HTR1F: variants seen among roughly 807,000 people sequenced by gnomAD.
HTR1F encodes the protein 5-hydroxytryptamine (serotonin) receptor 1F, G protein-coupled.
In HTR1F, 17 loss-of-function variants were observed where a neutral mutation model predicts 24.0. The ratio of observed to expected loss-of-function variants is 0.71; its 90% CI spans 0.48 to 1.06. HTR1F has a LOEUF of 1.06. HTR1F is among the 50% of genes least tolerant of loss of function. HTR1F has a pLI of 0.00. For synonymous variants in HTR1F, 186 were observed against 156.8 expected (o/e 1.19, Z -1.39); for missense variants, 391 against 427.8 (o/e 0.91, Z 0.76).
At position 87,832,993 on chromosome 3, in the gene HTR1F, AAAGGTTCTTT is replaced by A. The variant is rs146935633; in HGVS notation, c.-43+10875_-43+10884del. Among the ~76,000 whole-genome samples, 1,457 of 152,278 alleles carry A rather than the reference AAAGGTTCTTT, an allele frequency of 9.6e-3. 21 individuals carry two copies. Among genetic ancestry groups the A allele is most frequent in the African/African-American group, 0.032 (1,344 of 41,554 alleles). ...TCTGGAAATCACCTTTTCCTTACTCAAAGGTTCTTTAAGGTCTGAGGGTCTTAACAACACC... is the reference window on the plus strand; with the variant it reads ...TCTGGAAATCACCTTTTCCTTACTCAAAGGTCTGAGGGTCTTAACAACACC... On this transcript the variant is annotated intron_variant, in intron 2 of 2. Coordinates refer to ENST00000319595, the MANE Select transcript of HTR1F (RefSeq NM_001322209.2).
intron 2 of HTR1F, among the ~76,000 whole-genome samples, chr3:87,895,860 T>C (rs569311710): frequency 6.6e-6 from 1 of 152,238 alleles, no homozygotes; most frequent in Non-Finnish European, 1.5e-5. Flanking sequence ...AGATAAGAGT[T>C]AATAGCTCTG....
intron 2 of HTR1F, among the ~76,000 whole-genome samples, chr3:87,928,438 T>G (rs558565068): frequency 2.6e-5 from 4 of 152,350 alleles, no homozygotes; most frequent in African/African-American, 7.2e-5. Context: ...AGTAATAGTA[T>G]AGGTGATTTT....
chr3:87,871,841 T>C (rs1705565447), intron 2 of HTR1F, among the ~76,000 whole-genome samples: 1 of 151,972 alleles, frequency 6.6e-6, no homozygotes, highest in African/African-American at 2.4e-5. Context: ...CTTACAACAA[T>C]AGGTCAAACA....
intron 1 of HTR1F, among the ~76,000 whole-genome samples, chr3:87,793,876 T>C (rs1024985372): frequency 6.6e-6 from 1 of 151,054 alleles, no homozygotes; most frequent in African/African-American, 2.4e-5. Context: ...ATATTTAAGA[T>C]GACATAAGCA....
intron 2 of HTR1F, among the ~76,000 whole-genome samples, chr3:87,978,893 GAA>G (rs1467416041): frequency 2.0e-4 from 15 of 76,608 alleles, no homozygotes; most frequent in African/African-American, 7.0e-4. Flanking sequence ...AGGGAGGGAG[GAA>G]GGAAGGAAGG....
chr3:87,838,715 GA>G (rs1221332313), intron 2 of HTR1F, among the ~76,000 whole-genome samples: 1 of 151,272 alleles, frequency 6.6e-6, no homozygotes, highest in Non-Finnish European at 1.5e-5. Flanking sequence ...CAGTAGATAA[GA>G]AAACACAATT....
intron 2 of HTR1F, among the ~76,000 whole-genome samples, chr3:87,852,025 C>T (rs1705098134): frequency 6.7e-6 from 1 of 149,750 alleles, no homozygotes; most frequent in African/African-American, 2.5e-5. Flanking sequence ...TCTATTTTTC[C>T]AAACATCCCC....
chr3:87,950,138 A>C (rs1427990960), intron 2 of HTR1F, among the ~76,000 whole-genome samples: 1 of 152,214 alleles, frequency 6.6e-6, no homozygotes, highest in African/African-American at 2.4e-5. Context: ...GTACTCTTGC[A>C]AAAGCAAGAA....
At chr3:87,979,270 A>G (rs1705490025) in intron 2 of HTR1F, among the ~76,000 whole-genome samples, 1 of 151,734 alleles carries the variant, frequency 6.6e-6, no homozygotes, top group Non-Finnish European at 1.5e-5. Flanking sequence ...TTGCCCCAGG[A>G]CCTCCTTCCA....
At chr3:87,821,153 CAAATT>C (rs530961988) in intron 1 of HTR1F, among the ~76,000 whole-genome samples, 183 of 152,224 alleles carry the variant, frequency 1.2e-3, no homozygotes, top group Non-Finnish European at 2.2e-3. Context: ...AGAGATTGTT[CAAATT>C]AAATTAAATA....
chr3:87,824,870 C>T (rs1384725961), intron 2 of HTR1F, among the ~76,000 whole-genome samples: 1 of 152,096 alleles, frequency 6.6e-6, no homozygotes, highest in African/African-American at 2.4e-5. Flanking sequence ...GCTCCCAAAA[C>T]AAGGCAAAAG....
intron 2 of HTR1F, among the ~76,000 whole-genome samples, chr3:87,907,733 C>T (rs1703697868): frequency 6.6e-6 from 1 of 151,774 alleles, no homozygotes; most frequent in Admixed American, 6.6e-5. Context: ...AGACTGGAGG[C>T]AATAGAGTAA....
chr3:87,892,358 A>T (rs1223594267), intron 2 of HTR1F, among the ~76,000 whole-genome samples: 2 of 152,028 alleles, frequency 1.3e-5, no homozygotes, highest in Non-Finnish European at 2.9e-5. Context: ...TTCATTTAAC[A>T]TTTTTATTTC....
chr3:87,990,320 C>T (rs1705792453), intron 2 of HTR1F, among the ~76,000 whole-genome samples: 1 of 152,144 alleles, frequency 6.6e-6, no homozygotes, highest in African/African-American at 2.4e-5. Context: ...ACTAGTCAGT[C>T]AGTAGTACTG....
intron 2 of HTR1F, among the ~76,000 whole-genome samples, chr3:87,900,931 G>T (rs192937529): frequency 1.3e-5 from 2 of 152,218 alleles, no homozygotes; most frequent in Non-Finnish European, 2.9e-5. Context: ...TCCCAGAATA[G>T]ATAAGTTTGG....
chr3:87,795,033 G>C (rs116802385), intron 1 of HTR1F, among the ~76,000 whole-genome samples: 3,577 of 122,124 alleles, frequency 0.029, 131 homozygotes, highest in African/African-American at 0.1. Flanking sequence ...CTGTCTCCAC[G>C]CTGGAGTGCA....
At chr3:87,821,725 A>G (rs1241596278) in intron 1 of HTR1F, among the ~76,000 whole-genome samples, 1 of 152,198 alleles carries the variant, frequency 6.6e-6, no homozygotes, top group Non-Finnish European at 1.5e-5. Flanking sequence ...TATCTAGTAG[A>G]TAGTAATAAA....
intron 2 of HTR1F, among the ~76,000 whole-genome samples, chr3:87,967,336 G>T (rs754769063): frequency 2.2e-4 from 33 of 152,028 alleles, no homozygotes; most frequent in Non-Finnish European, 4.4e-4. Context: ...TGTAATCCCC[G>T]CTACTCAGGA....
intron 2 of HTR1F, among the ~76,000 whole-genome samples, chr3:87,902,022 C>T (rs1203977450): frequency 6.6e-6 from 1 of 151,874 alleles, no homozygotes; most frequent in Admixed American, 6.6e-5. Context: ...TAGTTAGCCT[C>T]AATATTATAA....
Sources: gnomAD v4.1 joint callset for allele counts (sites outside exome capture counted in the v4.1 genomes callset) on GRCh38, gnomAD v4.1.1 for gene constraint, MANE v1.5 for transcripts, NCBI Gene and HGNC (gene_info 2026-07-23, HGNC 2026-07-21) for gene names.